FBXL17: variants seen among roughly 807,000 people sequenced by gnomAD.
FBXL17 encodes F-box and leucine rich repeat protein 17, also known as F-box/LRR-repeat protein 17.
In FBXL17, 22 loss-of-function variants were observed where a neutral mutation model predicts 66.2. The observed-to-expected ratio is 0.33, with a 90% CI of 0.24 to 0.47. FBXL17 has a LOEUF of 0.47. Among genes scored for constraint, FBXL17 ranks in the 20% least tolerant of loss-of-function variants. The pLI is 1.00. For synonymous variants in FBXL17, 474 were observed against 400.5 expected (o/e 1.18, Z -2.19); for missense variants, 878 against 948.2 (o/e 0.93, Z 0.97).
At chr5:108,112,313 C>T (rs1483178076) in intron 6 of FBXL17, among the ~76,000 whole-genome samples, 1 of 152,172 alleles carries the variant, frequency 6.6e-6, no homozygotes. Flanking sequence ...CCTGGGAGTA[C>T]TTGATACTTC....
At chr5:108,363,879 T>C (rs1458734988) in intron 3 of FBXL17, among the ~76,000 whole-genome samples, 1 of 152,046 alleles carries the variant, frequency 6.6e-6, no homozygotes, top group Non-Finnish European at 1.5e-5. Flanking sequence ...ACAAAATATA[T>C]ATTTCTTCAT....
chr5:108,107,260 C>G (rs1355618072), intron 6 of FBXL17, among the ~76,000 whole-genome samples: 1 of 152,022 alleles, frequency 6.6e-6, no homozygotes, highest in Non-Finnish European at 1.5e-5. Flanking sequence ...TTAGTAGAGA[C>G]AGAGTTTCTC....
intron 4 of FBXL17, among the ~76,000 whole-genome samples, chr5:108,280,297 AC>A (rs1248970649): frequency 6.6e-6 from 1 of 152,154 alleles, no homozygotes; most frequent in East Asian, 1.9e-4. Flanking sequence ...AACCTTACAG[AC>A]CAGAAGAAAA....
In FBXL17 at chr5:107,861,357, A is replaced by T. The variant is rs889643983; in HGVS notation, c.*363T>A. On this transcript the variant is annotated 3_prime_UTR_variant, in exon 9 of 9. Transcript: ENST00000542267. ...AGTGCACAATTCATCCCATGTAAAA[A>T]GAAGGCCTTCTTACTTGGACATCTC... 1.9e-5 allele frequency: 3 copies of T among 155,144 alleles called. No homozygotes were observed. The highest frequency in any genetic ancestry group is 7.2e-5 in the African/African-American group (3 of 41,582). 9.6% of individuals were successfully genotyped at this position (155,144 alleles called of 1,614,324 possible).
At chr5:108,130,714 T>G (rs192490693) in intron 6 of FBXL17, among the ~76,000 whole-genome samples, 1 of 152,160 alleles carries the variant, frequency 6.6e-6, no homozygotes, top group Admixed American at 6.5e-5. Flanking sequence ...TTTTTAACTT[T>G]TATAGACTGT....
intron 6 of FBXL17, among the ~76,000 whole-genome samples, chr5:108,118,908 A>C (rs1310175919): frequency 1.3e-5 from 2 of 152,040 alleles, no homozygotes; most frequent in Non-Finnish European, 2.9e-5. Context: ...TCTCCCAAAA[A>C]ACTCCTAACT....
intron 6 of FBXL17, among the ~76,000 whole-genome samples, 175 bp downstream of exon 6, chr5:108,185,942 T>G (rs1172398926): frequency 3.3e-5 from 5 of 152,218 alleles, no homozygotes; most frequent in African/African-American, 9.6e-5. Flanking sequence ...GCTGCACTTA[T>G]AAGCAACAGA....
chr5:107,999,771 CT>C (rs1451824140), intron 7 of FBXL17, among the ~76,000 whole-genome samples: 1 of 152,146 alleles, frequency 6.6e-6, no homozygotes, highest in Non-Finnish European at 1.5e-5. Context: ...ATAATGAATA[CT>C]CAATAAACAC....
intron 4 of FBXL17, among the ~76,000 whole-genome samples, chr5:108,269,337 T>C (rs1041371131): frequency 6.6e-6 from 1 of 152,036 alleles, no homozygotes; most frequent in Non-Finnish European, 1.5e-5. Flanking sequence ...CTTACACTGT[T>C]ATGCAAGCGT....
At chr5:108,012,588 A>C (rs1754217048) in intron 7 of FBXL17, among the ~76,000 whole-genome samples, 1 of 152,232 alleles carries the variant, frequency 6.6e-6, no homozygotes, top group South Asian at 2.1e-4. Context: ...AATAAATACA[A>C]CACTTCTCTG....
At chr5:107,865,689 A>C (rs1748252125) in intron 8 of FBXL17, among the ~76,000 whole-genome samples, 1 of 152,346 alleles carries the variant, frequency 6.6e-6, no homozygotes, top group African/African-American at 2.4e-5. Flanking sequence ...TAGGAAACAA[A>C]GCAGTGGGGA....
chr5:108,263,484 A>G (rs527695230), intron 4 of FBXL17, among the ~76,000 whole-genome samples: 1 of 152,300 alleles, frequency 6.6e-6, no homozygotes, highest in African/African-American at 2.4e-5. Flanking sequence ...TTTGGATGGA[A>G]AAATAATTAC....
At chr5:108,122,378 A>C (rs912310502) in intron 6 of FBXL17, among the ~76,000 whole-genome samples, 1 of 152,248 alleles carries the variant, frequency 6.6e-6, no homozygotes, top group African/African-American at 2.4e-5. Context: ...TAACCACAGT[A>C]CTATACTTCA....
intron 7 of FBXL17, among the ~76,000 whole-genome samples, chr5:107,898,211 A>G (rs1312317063): frequency 1.3e-5 from 2 of 152,178 alleles, no homozygotes; most frequent in African/African-American, 4.8e-5. Flanking sequence ...CTGAAACTAA[A>G]GCAAATGGTG....
At chr5:108,376,440 T>C (rs955839900) in intron 1 of FBXL17, among the ~76,000 whole-genome samples, 4 of 152,186 alleles carry the variant, frequency 2.6e-5, no homozygotes, top group African/African-American at 9.6e-5. Context: ...ATACTAGCAA[T>C]GAATCATCTG....
At chr5:108,056,767 C>G (rs540830461) in intron 6 of FBXL17, among the ~76,000 whole-genome samples, 1 of 152,290 alleles carries the variant, frequency 6.6e-6, no homozygotes, top group African/African-American at 2.4e-5. Flanking sequence ...TTTGAAATGT[C>G]ACCAATTTAA....
intron 7 of FBXL17, among the ~76,000 whole-genome samples, chr5:107,918,532 C>T (rs1375576340): frequency 6.6e-6 from 1 of 152,046 alleles, no homozygotes; most frequent in Non-Finnish European, 1.5e-5. Flanking sequence ...TCAGGGTAGC[C>T]AAACAATTTC....
At chr5:108,069,812 G>A (rs1192504395) in intron 6 of FBXL17, among the ~76,000 whole-genome samples, 3 of 152,188 alleles carry the variant, frequency 2.0e-5, no homozygotes, top group Admixed American at 2.0e-4. Flanking sequence ...CCTTCCTCAT[G>A]CAGATGCCTG....
intron 7 of FBXL17, among the ~76,000 whole-genome samples, chr5:107,919,030 A>G (rs1456162260): frequency 2.6e-5 from 4 of 152,220 alleles, no homozygotes; most frequent in Admixed American, 2.0e-4. Flanking sequence ...CAGTATCTCT[A>G]TTTTGTTACA....
Sources: allele counts gnomAD v4.1 joint callset (sites outside exome capture counted in the v4.1 genomes callset), GRCh38; gene constraint gnomAD v4.1.1; transcripts MANE v1.5; gene names NCBI Gene and HGNC (gene_info 2026-07-23, HGNC 2026-07-21).